Variants in CDHR1 observed in about 807,000 individuals in gnomAD.
CDHR1 encodes cadherin related family member 1, also known as cadherin-related family member 1.
CDHR1 carries 61 observed loss-of-function variants against 72.1 expected under a neutral mutation model. The observed-to-expected ratio is 0.85, with a 90% CI of 0.69 to 1.05. The LOEUF (loss-of-function observed/expected upper bound fraction) is 1.05. CDHR1 is among the 50% of genes least tolerant of loss of function. The pLI is 0.00. For synonymous variants in CDHR1, 470 were observed against 448.1 expected, an observed-to-expected ratio of 1.05 and a Z score of -0.62; for missense variants, 1,186 against 1,115.7, an observed-to-expected ratio of 1.06 and a Z score of -0.90.
intron 12 of CDHR1, among the ~76,000 whole-genome samples, chr10:84,209,093 G>T (rs965395833): frequency 1.3e-5 from 2 of 152,212 alleles, no homozygotes; most frequent in Non-Finnish European, 2.9e-5. Flanking sequence ...CCCCAGGAAT[G>T]CAGGTGGTGG....
At position 84,215,805 on chromosome 10, in the gene CDHR1, C is replaced by A; in HGVS notation, c.*1184C>A. On this transcript the variant is annotated 3_prime_UTR_variant, in exon 17 of 17. Coordinates refer to ENST00000623527, the MANE Select transcript of CDHR1 (RefSeq NM_033100.4). ...ACTGTGCTGGGCTTAGGGGCTACCA[C>A]TGGATGATGGCATTGCCGTGACTCA... is the stretch of plus-strand genomic sequence containing the variant. 2 of 985,538 alleles carry A rather than the reference C, an allele frequency of 2.0e-6. No homozygotes were observed. The highest frequency in any genetic ancestry group is 9.4e-5 in the South Asian group (2 of 21,286). The allele number at this position is 985,538 out of a possible 1,614,324, so 61.0% of individuals were successfully genotyped here. A position where few individuals can be genotyped will look rare whatever the true frequency, so the allele number is the denominator to read the frequency against.
In CDHR1 at chr10:84,211,056, T is replaced by C; in HGVS notation, c.1376T>C (p.Val459Ala). 1 of 1,614,210 alleles carries C rather than the reference T, an allele frequency of 6.2e-7. No homozygotes were observed. Among genetic ancestry groups the C allele is most frequent in the South Asian group, 1.1e-5 (1 of 91,082 alleles). Residue 459 changes from valine (V) to alanine (A), a missense_variant, in exon 13 of 17, where the codon GTG becomes GCG. By Grantham distance (64) the Val-to-Ala change is moderately conservative (BLOSUM62 0). Coordinates refer to ENST00000623527, the MANE Select transcript of CDHR1 (RefSeq NM_033100.4). ...PEKFSSTADV[V>A]IQLLDTNDNV... Reference sequence around the variant, plus strand: ...AAGTTCAGTTCCACAGCGGATGTTGTGATCCAGCTCCTGGACACCAATGAC... The same window carrying C: ...AAGTTCAGTTCCACAGCGGATGTTGCGATCCAGCTCCTGGACACCAATGAC...
chr10:84,217,281 G>A lies in CDHR1; in HGVS notation c.*2660G>A. 1 of 985,538 alleles carries A rather than the reference G, an allele frequency of 1.0e-6. No individual in the cohort carries two copies. The highest frequency in any genetic ancestry group is 1.2e-6 in the Non-Finnish European group (1 of 829,990). The allele number at this position is 985,538 out of a possible 1,614,324, so 61.0% of individuals were successfully genotyped here. On this transcript the variant is annotated 3_prime_UTR_variant, in exon 17 of 17. Coordinates refer to ENST00000623527, the MANE Select transcript of CDHR1 (RefSeq NM_033100.4). ...CTCCAGGGAAAGAGCTGGGAGGCAGGAATGGCACACTGGGCAGGCTTGCCC... is the reference window on the plus strand; with the variant it reads ...CTCCAGGGAAAGAGCTGGGAGGCAGAAATGGCACACTGGGCAGGCTTGCCC...
Position 84,203,226 on chromosome 10 carries a change from G to A in CDHR1, c.783+103G>A, listed in dbSNP as rs1589299181. 4 of 1,485,986 alleles carry A rather than the reference G, an allele frequency of 2.7e-6. No homozygotes were observed. The East Asian group carries it at 6.8e-5, about 25-fold the overall frequency. The allele number at this position is 1,485,986 out of a possible 1,614,324, so 92.1% of individuals were successfully genotyped here. A position where few individuals can be genotyped will look rare whatever the true frequency, so the allele number is the denominator to read the frequency against. The stretch of plus-strand genomic sequence containing the variant: ...GCTGGAGATGGCTGGTCTGGTCCCG[G>A]TTGCCCTCCTCACACAGAGGCCAGC... On this transcript the variant is annotated intron_variant, in intron 8 of 16. Coordinates refer to ENST00000623527, the MANE Select transcript of CDHR1 (RefSeq NM_033100.4).
chr10:84,217,553 G>A lies in CDHR1; in HGVS notation c.*2932G>A, dbSNP rs1386582373. The A allele has an allele frequency of 1.0e-6, 1 of 981,826 alleles. No individual in the cohort carries two copies. Among genetic ancestry groups the A allele is most frequent in the Non-Finnish European group, 1.2e-6 (1 of 826,804 alleles). The allele number at this position is 981,826 out of a possible 1,614,324, so 60.8% of individuals were successfully genotyped here. A position where few individuals can be genotyped will look rare whatever the true frequency, so the allele number is the denominator to read the frequency against. On this transcript the variant is annotated 3_prime_UTR_variant, in exon 17 of 17. Transcript: ENST00000623527. ...TCATTAACACAGGGTGCAAAGTATGGTTGCAGAGAGGATGAAAAGATCTAA... is the reference window on the plus strand; with the variant it reads ...TCATTAACACAGGGTGCAAAGTATGATTGCAGAGAGGATGAAAAGATCTAA...
Position 84,215,549 on chromosome 10 carries a change from T to C in CDHR1, c.*928T>C, listed in dbSNP as rs115034955. ...CATCGCGTAACCTTGGGAAAGCTGT[T>C]TAAAGTCGCTGATCATCCTCTTCCT... On this transcript the variant is annotated 3_prime_UTR_variant, in exon 17 of 17. Coordinates refer to ENST00000623527, the MANE Select transcript of CDHR1 (RefSeq NM_033100.4). The C allele has an allele frequency of 1.4e-5, 13 of 905,592 alleles. No individual in the cohort carries two copies. In the African/African-American group the frequency reaches 2.3e-4, roughly 16 times the overall value. The allele number at this position is 905,592 out of a possible 1,614,324, so 56.1% of individuals were successfully genotyped here. A position where few individuals can be genotyped will look rare whatever the true frequency, so the allele number is the denominator to read the frequency against.
intron 10 of CDHR1, among the ~76,000 whole-genome samples, chr10:84,207,236 T>A (rs1842242246): frequency 6.6e-6 from 1 of 151,790 alleles, no homozygotes; most frequent in Non-Finnish European, 1.5e-5. Context: ...CTGCGGGAGC[T>A]GTGTGAAGAG....
In CDHR1 at chr10:84,213,214, C is replaced by T. The variant is rs148280890; in HGVS notation, c.1906C>T (p.Arg636Cys). ...GGAGATCTGGCTCAAGAATTCCATC[C>T]GCTCCCTGGATGCCCTGCACAACAT... ...TGEIWLKNSI[R>C]SLDALHNITP... The change falls in exon 16 of 17, where the codon CGC (arginine) becomes TGC (cysteine). Residue 636 changes from arginine to cysteine, a missense_variant. Arg to Cys is a radical substitution (Grantham distance 180). Transcript: ENST00000623527. 2.4e-4 allele frequency: 387 copies of T among 1,614,216 alleles called. No homozygotes were observed. In the African/African-American group the frequency reaches 4.4e-3, roughly 19 times the overall value.
rs1043815175 is a variant in CDHR1 at position 84,218,235 on chromosome 10, G to T, written c.*3614G>T. The T allele has an allele frequency of 4.1e-6, 4 of 985,304 alleles. No individual in the cohort carries two copies. Among genetic ancestry groups the T allele is most frequent in the South Asian group, 4.7e-5 (1 of 21,290 alleles). 61.0% of individuals were successfully genotyped at this position (985,304 alleles called of 1,614,324 possible). On this transcript the variant is annotated 3_prime_UTR_variant, in exon 17 of 17. Coordinates refer to ENST00000623527, the MANE Select transcript of CDHR1 (RefSeq NM_033100.4). The stretch of plus-strand genomic sequence containing the variant: ...AAACTCACAAACAACCTAGGGAGGG[G>T]TTCTCTGAAGGGCCTAGTTTCCAGA...
chr10:84,211,647 G>A lies in CDHR1; in HGVS notation c.1486-1G>A, dbSNP rs1201283304. Reference sequence around the variant, plus strand: ...GCCACCCAGGGCTCTTTCTCTTCCAGGCTGTGGATCCAGATACAGGACCCT... The same window carrying A: ...GCCACCCAGGGCTCTTTCTCTTCCAAGCTGTGGATCCAGATACAGGACCCT... On this transcript the variant is annotated splice_acceptor_variant, in intron 13 of 16. Transcript: ENST00000623527. LOFTEE classifies it high-confidence loss of function. 1 of 1,613,966 alleles carries A rather than the reference G, an allele frequency of 6.2e-7. No homozygotes were observed. The highest frequency in any genetic ancestry group is 1.3e-5 in the African/African-American group (1 of 74,920).
rs1194102325 is a variant in CDHR1 at position 84,211,776 on chromosome 10, G to A, written c.1553+61G>A. The A allele has an allele frequency of 4.2e-6, 6 of 1,444,716 alleles. No homozygotes were observed. The Admixed American group carries it at 1.0e-4, about 24-fold the overall frequency. The allele number at this position is 1,444,716 out of a possible 1,614,324, so 89.5% of individuals were successfully genotyped here. A position where few individuals can be genotyped will look rare whatever the true frequency, so the allele number is the denominator to read the frequency against. On this transcript the variant is annotated intron_variant, in intron 14 of 16. Transcript: ENST00000623527. ...CAAGGGGATTGGAAGGCTGAGGGTGGAGGAGGTCTGTGGCAGAGGCAGGAG... is the reference window on the plus strand; with the variant it reads ...CAAGGGGATTGGAAGGCTGAGGGTGAAGGAGGTCTGTGGCAGAGGCAGGAG...
At chr10:84,219,500 A>C, downstream of CDHR1, 1 of 569,314 alleles carries the variant, frequency 1.8e-6, no homozygotes, top group Non-Finnish European at 2.8e-6. Context: ...ATCCACTCTC[A>C]CCTTCATGGT....
In CDHR1 at chr10:84,215,677, G is replaced by A. The variant is rs553655207; in HGVS notation, c.*1056G>A. 20 of 985,288 alleles carry A rather than the reference G, an allele frequency of 2.0e-5. No homozygotes were observed. In the South Asian group the frequency reaches 6.6e-4, roughly 32 times the overall value. 61.0% of individuals were successfully genotyped at this position (985,288 alleles called of 1,614,324 possible). ...TGAGGGCTTTAACCAAGTGCAAAGC[G>A]GCATGAATGCAAAGTATTTTTCTGC... On this transcript the variant is annotated 3_prime_UTR_variant, in exon 17 of 17. Coordinates refer to ENST00000623527, the MANE Select transcript of CDHR1 (RefSeq NM_033100.4).
Position 84,208,732 on chromosome 10 carries a change from G to C in CDHR1, c.1171G>C (p.Ala391Pro). ...TTCCACTCTCCAAATTCTCTAGGGA[G>C]CCAATGCCAAATTCAACTTGCAGCT... ...KITVNDSDQG[A>P]NAKFNLQLVG... The change falls in exon 12 of 17, where the codon GCC becomes CCC. Residue 391 changes from alanine to proline, a missense_variant. Ala to Pro is a conservative substitution (Grantham distance 27, BLOSUM62 -1). Transcript: ENST00000623527. The C allele has an allele frequency of 6.2e-7, 1 of 1,614,074 alleles. No homozygotes were observed. The highest frequency in any genetic ancestry group is 8.5e-7 in the Non-Finnish European group (1 of 1,179,950).
chr10:84,212,224 G>A lies in CDHR1; in HGVS notation c.1599G>A (p.Trp533Ter), dbSNP rs1842345050. 6.2e-7 allele frequency: 1 copy of A among 1,614,126 alleles called. No individual in the cohort carries two copies. The highest frequency in any genetic ancestry group is 8.5e-7 in the Non-Finnish European group (1 of 1,180,060). ...PSTGLIYTQPWASLDAEATAR... is the reference protein window; with the variant it reads ...PSTGLIYTQP ...CTGGGCTTATCTACACCCAGCCCTG[G>A]GCTAGCCTGGACGCTGAGGCCACTG... is the stretch of plus-strand genomic sequence containing the variant. The change falls in exon 15 of 17, where the codon TGG becomes TGA. Residue 533 changes from tryptophan to a stop codon, truncating the protein, a stop_gained. Coordinates refer to ENST00000623527, the MANE Select transcript of CDHR1 (RefSeq NM_033100.4). LOFTEE classifies it high-confidence loss of function.
At position 84,214,286 on chromosome 10, in the gene CDHR1, C is replaced by T. The variant is rs560256506; in HGVS notation, c.2245C>T (p.Arg749Cys). The part of the protein sequence containing the change: ...VLRKRPSPAP[R>C]TIRIEWLKSK... ...CCGCAAGCGGCCCAGCCCTGCGCCC[C>T]GCACCATCCGCATTGAGTGGCTCAA... is the stretch of plus-strand genomic sequence containing the variant. The change falls in exon 17 of 17, where the codon CGC becomes TGC. Residue 749 changes from arginine (R) to cysteine (C), a missense_variant. Arg to Cys is a radical substitution (Grantham distance 180, BLOSUM62 -3). Coordinates refer to ENST00000623527, the MANE Select transcript of CDHR1 (RefSeq NM_033100.4). The T allele has an allele frequency of 6.2e-6, 10 of 1,613,902 alleles. No homozygotes were observed. Among genetic ancestry groups the T allele is most frequent in the South Asian group, 2.2e-5 (2 of 91,082 alleles).
Position 84,218,085 on chromosome 10 carries a change from G to T in CDHR1, c.*3464G>T, listed in dbSNP as rs1322669872. 1 of 985,322 alleles carries T rather than the reference G, an allele frequency of 1.0e-6. No homozygotes were observed. Among genetic ancestry groups the T allele is most frequent in the East Asian group, 1.1e-4 (1 of 8,826 alleles). 61.0% of individuals were successfully genotyped at this position (985,322 alleles called of 1,614,324 possible). ...CAGGGGTGTTGGCATCTGTTGACAG[G>T]CAGTGGCACATCCTGACAGTCTTCA... On this transcript the variant is annotated 3_prime_UTR_variant, in exon 17 of 17. Coordinates refer to ENST00000623527, the MANE Select transcript of CDHR1 (RefSeq NM_033100.4).
chr10:84,199,221 AG>A, intron 5 of CDHR1, 100 bp downstream of exon 5: 3 of 913,282 alleles, frequency 3.3e-6, no homozygotes, highest in Non-Finnish European at 5.3e-6. Flanking sequence ...TGCCCTGTGG[AG>A]AACCTCTCTG....
chr10:84,199,894 T>G (rs1164895019), intron 5 of CDHR1, among the ~76,000 whole-genome samples: 2 of 152,202 alleles, frequency 1.3e-5, no homozygotes, highest in African/African-American at 2.4e-5. Flanking sequence ...TAATTCAGGC[T>G]GGGCACGGTG....
Sources: gnomAD v4.1 joint callset for allele counts (sites outside exome capture counted in the v4.1 genomes callset) on GRCh38, gnomAD v4.1.1 for gene constraint, MANE v1.5 for transcripts, NCBI Gene and HGNC (gene_info 2026-07-23, HGNC 2026-07-21) for gene names.